The following GTF2I variants were observed in gnomAD, a reference collection of about 807,000 sequenced individuals.
GTF2I encodes general transcription factor II-I.
A neutral mutation model predicts 67.6 loss-of-function variants in GTF2I; 12 were observed. The ratio of observed to expected loss-of-function variants is 0.18; its 90% confidence interval spans 0.11 to 0.29. The LOEUF (loss-of-function observed/expected upper bound fraction) is 0.29. Among genes scored for constraint, GTF2I ranks in the 10% least tolerant of loss-of-function variants. The pLI, the probability that GTF2I is intolerant of heterozygous loss-of-function variation, is 1.00. For synonymous variants in GTF2I, 149 were observed against 197.0 expected, an observed-to-expected ratio of 0.76 and a Z score of 2.04; for missense variants, 271 against 580.1, an observed-to-expected ratio of 0.47 and a Z score of 5.47.
intron 6 of GTF2I, among the ~76,000 whole-genome samples, chr7:74,704,292 A>ATTTATTTTTTT (rs1412934217): frequency 1.3e-5 from 2 of 149,260 alleles, no homozygotes; most frequent in Non-Finnish European, 3.0e-5. Flanking sequence ...TTATTTATTT[A>ATTTATTTTTTT]TTTTTTTATT....
intron 12 of GTF2I, chr7:74,726,357 G>A (rs587765363): frequency 6.6e-6 from 1 of 152,242 alleles, no homozygotes; most frequent in Admixed American, 6.5e-5. Flanking sequence ...TTTGGGAGTT[G>A]GAAAATCGGG....
intron 1 of GTF2I, among the ~76,000 whole-genome samples, chr7:74,660,337 G>C (rs888662311): frequency 3.3e-5 from 5 of 151,502 alleles, no homozygotes; most frequent in Non-Finnish European, 7.4e-5. Context: ...GATTACAGGC[G>C]CCTGCCCCCA....
At chr7:74,697,943 AT>A (rs112795783) in intron 3 of GTF2I, among the ~76,000 whole-genome samples, 26,904 of 146,388 alleles carry the variant, frequency 0.18, 4,614 homozygotes, top group African/African-American at 0.45. Flanking sequence ...TAATTTTTGT[AT>A]TTTTTGTTTG....
chr7:74,667,122 G>A (rs1421588111), intron 1 of GTF2I, among the ~76,000 whole-genome samples: 1 of 152,118 alleles, frequency 6.6e-6, no homozygotes, highest in African/African-American at 2.4e-5. Flanking sequence ...TCCAGCCTGG[G>A]CCATAGAACA....
intron 12 of GTF2I, chr7:74,726,396 A>T (rs995730490): frequency 6.6e-6 from 1 of 152,160 alleles, no homozygotes; most frequent in Non-Finnish European, 1.5e-5. Flanking sequence ...TTCAGAATTG[A>T]GGTCCAAACT....
At chr7:74,681,160 C>T (rs922842939) in intron 1 of GTF2I, among the ~76,000 whole-genome samples, 11 of 152,074 alleles carry the variant, frequency 7.2e-5, no homozygotes, top group African/African-American at 1.7e-4. Flanking sequence ...GGAGGCTGGG[C>T]GCAGTGGCTT....
intron 8 of GTF2I, 123 bp from the exon 9 acceptor site, chr7:74,710,909 G>A (rs149448992): frequency 1.9e-5 from 10 of 537,906 alleles, no homozygotes; most frequent in South Asian, 5.2e-5. Context: ...TTTCAAAGAC[G>A]TAAAGTCTTT....
intron 12 of GTF2I, among the ~76,000 whole-genome samples, chr7:74,721,525 C>T (rs1792994039): frequency 6.6e-6 from 1 of 151,890 alleles, no homozygotes; most frequent in African/African-American, 2.4e-5. Context: ...TATACACACA[C>T]ACATTTTATG....
In GTF2I at chr7:74,692,369, C is replaced by T. The variant is rs111492545; in HGVS notation, c.238+1258C>T. 5.7e-3 allele frequency among the ~76,000 whole-genome samples: 871 copies of T among 152,186 alleles called. 8 individuals carry two copies. Among genetic ancestry groups the T allele is most frequent in the African/African-American group, 0.02 (821 of 41,520 alleles). On this transcript the variant is annotated intron_variant, in intron 3 of 34. Transcript: ENST00000573035. The stretch of plus-strand genomic sequence containing the variant: ...ACAGGCGTGAGCCACCACATCCGGC[C>T]GGGAGTTCTTTTCTAGATAAAAAGT...
chr7:74,707,510 T>C (rs1319227737), intron 8 of GTF2I, among the ~76,000 whole-genome samples: 1 of 152,204 alleles, frequency 6.6e-6, no homozygotes, highest in Admixed American at 6.5e-5. Flanking sequence ...CGTTAACGTG[T>C]GTGTGCGTGC....
intron 11 of GTF2I, 45 bp downstream of exon 11, chr7:74,716,995 G>C (rs782239101): frequency 6.4e-6 from 10 of 1,557,028 alleles, no homozygotes; most frequent in South Asian, 4.5e-5. Context: ...TTTGTTGTAT[G>C]TTTATTCTAT....
chr7:74,706,697 C>A (rs1291279007), intron 8 of GTF2I, among the ~76,000 whole-genome samples: 2 of 152,052 alleles, frequency 1.3e-5, no homozygotes, highest in Non-Finnish European at 2.9e-5. Flanking sequence ...GTTGTACAGA[C>A]ATATAATGTA....
chr7:74,732,201 C>T (rs587732631), intron 14 of GTF2I, among the ~76,000 whole-genome samples: 9 of 149,434 alleles, frequency 6.0e-5, no homozygotes, highest in Admixed American at 1.3e-4. Context: ...GTGAAACCCC[C>T]GTCTCTACTA....
intron 12 of GTF2I, among the ~76,000 whole-genome samples, chr7:74,725,099 G>A (rs1793581997): frequency 6.6e-6 from 1 of 152,214 alleles, no homozygotes; most frequent in Non-Finnish European, 1.5e-5. Flanking sequence ...TGCCCAGTAT[G>A]TGAGGGCAGG....
chr7:74,669,968 T>A (rs1805313903), intron 1 of GTF2I, among the ~76,000 whole-genome samples: 1 of 152,210 alleles, frequency 6.6e-6, no homozygotes, highest in African/African-American at 2.4e-5. Flanking sequence ...ACTTGTCTCA[T>A]TAATTTTCCT....
At chr7:74,716,067 GT>G (rs879996140) in intron 10 of GTF2I, among the ~76,000 whole-genome samples, 3 of 151,270 alleles carry the variant, frequency 2.0e-5, no homozygotes, top group Admixed American at 2.0e-4. Flanking sequence ...TAGGTAATAT[GT>G]TTTTTTTTGG....
chr7:74,665,002 C>T (rs587620217), intron 1 of GTF2I, among the ~76,000 whole-genome samples: 69 of 150,556 alleles, frequency 4.6e-4, no homozygotes, highest in African/African-American at 1.6e-3. Context: ...AGTGTAGTGG[C>T]GCGCCTGGCT....
At chr7:74,718,834 C>A in intron 11 of GTF2I, 45 bp from the exon 12 acceptor site, 1 of 970,950 alleles carries the variant, frequency 1.0e-6, no homozygotes, top group Non-Finnish European at 1.6e-6. Flanking sequence ...CATATGGAAA[C>A]ATGCTTAATA....
chr7:74,693,549 A>G (rs1020681080), intron 3 of GTF2I, among the ~76,000 whole-genome samples: 1 of 151,838 alleles, frequency 6.6e-6, no homozygotes, highest in Middle Eastern at 3.2e-3. Context: ...CTGAGACACA[A>G]TATTGAAATT....
Sources: gnomAD v4.1 joint callset for allele counts (sites outside exome capture counted in the v4.1 genomes callset) on GRCh38, gnomAD v4.1.1 for gene constraint, MANE v1.5 for transcripts, NCBI Gene and HGNC (gene_info 2026-07-23, HGNC 2026-07-21) for gene names.